Variants in PRR16 observed in about 807,000 individuals in gnomAD.
PRR16 encodes protein Largen.
Under a neutral mutation model 18.2 loss-of-function variants are expected in PRR16, and 6 were observed. The ratio of observed to expected loss-of-function variants is 0.33; its 90% CI spans 0.18 to 0.65. The LOEUF is 0.65. Among genes scored for constraint, PRR16 ranks in the 30% least tolerant of loss-of-function variants. PRR16 has a pLI of 0.74. For synonymous variants in PRR16, 151 were observed against 147.8 expected, an observed-to-expected ratio of 1.02 and a Z score of -0.16; for missense variants, 412 against 376.6, an observed-to-expected ratio of 1.09 and a Z score of -0.78.
chr5:120,526,929 C>T (rs181853224), intron 1 of PRR16, among the ~76,000 whole-genome samples: 1 of 152,084 alleles, frequency 6.6e-6, no homozygotes, highest in South Asian at 2.1e-4. Context: ...TTGTTGTTGA[C>T]TATAGTGGCA....
At chr5:120,636,786 C>T (rs955588730) in intron 1 of PRR16, among the ~76,000 whole-genome samples, 1 of 152,000 alleles carries the variant, frequency 6.6e-6, no homozygotes, top group African/African-American at 2.4e-5. Flanking sequence ...ATAGATGGGA[C>T]TTAATTAAAC....
chr5:120,670,024 T>G (rs1242851975), intron 1 of PRR16, among the ~76,000 whole-genome samples: 1 of 152,070 alleles, frequency 6.6e-6, no homozygotes, highest in African/African-American at 2.4e-5. Flanking sequence ...ATTCTGACCA[T>G]AAGCAAAATA....
intron 1 of PRR16, among the ~76,000 whole-genome samples, chr5:120,491,891 C>A (rs542238883): frequency 2.0e-5 from 3 of 152,032 alleles, no homozygotes; most frequent in African/African-American, 7.2e-5. Flanking sequence ...TTAAAACTAT[C>A]TCCTATTTTA....
At chr5:120,491,226 G>A (rs1750026940) in intron 1 of PRR16, among the ~76,000 whole-genome samples, 1 of 152,058 alleles carries the variant, frequency 6.6e-6, no homozygotes, top group Non-Finnish European at 1.5e-5. Context: ...TTTCCCTGGT[G>A]TTACACTGAA....
chr5:120,781,012 T>G, the PRR16 span, among the ~76,000 whole-genome samples: 1 of 152,180 alleles, frequency 6.6e-6, no homozygotes, highest in African/African-American at 2.4e-5. Context: ...ATCGCGCCAC[T>G]GCCCTTCAGC....
the PRR16 span, among the ~76,000 whole-genome samples, chr5:120,768,616 A>C: frequency 1.9e-4 from 29 of 151,914 alleles, 2 homozygotes; most frequent in South Asian, 4.8e-3. Context: ...GAGGTTTTAT[A>C]AGAAGGAAAT....
the PRR16 span, among the ~76,000 whole-genome samples, chr5:120,702,339 C>T: frequency 4.0e-5 from 6 of 150,940 alleles, no homozygotes; most frequent in Admixed American, 6.6e-5. Context: ...GGGATTGGGG[C>T]GCAGAGATAC....
intron 1 of PRR16, among the ~76,000 whole-genome samples, chr5:120,504,564 G>T (rs1750577795): frequency 6.6e-6 from 1 of 152,190 alleles, no homozygotes; most frequent in Admixed American, 6.5e-5. Context: ...AAAAAGAGCA[G>T]TGAGTCGCCC....
chr5:120,599,944 T>C (rs1270816760), intron 1 of PRR16, among the ~76,000 whole-genome samples: 1 of 151,930 alleles, frequency 6.6e-6, no homozygotes, highest in Non-Finnish European at 1.5e-5. Flanking sequence ...TTGCAACAGA[T>C]TTTCTTCAGC....
the PRR16 span, among the ~76,000 whole-genome samples, chr5:120,784,096 T>C: frequency 6.6e-6 from 1 of 152,210 alleles, no homozygotes; most frequent in African/African-American, 2.4e-5. Context: ...CTTTTTCTTA[T>C]CCATTCATTG....
the PRR16 span, among the ~76,000 whole-genome samples, chr5:120,705,087 AAGG>A: frequency 3.3e-5 from 5 of 151,984 alleles, no homozygotes; most frequent in Non-Finnish European, 5.9e-5. Context: ...GTAAAAAAAA[AAGG>A]AGAGTACATT....
chr5:120,531,681 C>G (rs369965562), intron 1 of PRR16: 54 of 152,086 alleles, frequency 3.6e-4, no homozygotes, highest in African/African-American at 1.3e-3. Flanking sequence ...GCCATTGTCA[C>G]TATCTAAATG....
At chr5:120,679,856 A>G (rs898945985) in intron 1 of PRR16, among the ~76,000 whole-genome samples, 4 of 152,168 alleles carry the variant, frequency 2.6e-5, no homozygotes, top group African/African-American at 9.6e-5. Flanking sequence ...GGGACAGAGA[A>G]TGGGGAAATG....
chr5:120,523,411 A>C (rs1054379147), intron 1 of PRR16, among the ~76,000 whole-genome samples: 18 of 152,308 alleles, frequency 1.2e-4, no homozygotes, highest in African/African-American at 4.3e-4. Flanking sequence ...TGAGGCAAGT[A>C]CTGTCTTGAG....
chr5:120,637,709 G>C (rs1755285421), intron 1 of PRR16, among the ~76,000 whole-genome samples: 1 of 152,102 alleles, frequency 6.6e-6, no homozygotes, highest in African/African-American at 2.4e-5. Context: ...CACTGCTCGG[G>C]TGATGGGTAT....
At chr5:120,594,552 A>G (rs898782923) in intron 1 of PRR16, among the ~76,000 whole-genome samples, 5 of 152,144 alleles carry the variant, frequency 3.3e-5, no homozygotes, top group East Asian at 1.9e-4. Flanking sequence ...TACAGATTCA[A>G]TGCTATTCCT....
intron 1 of PRR16, among the ~76,000 whole-genome samples, chr5:120,472,347 G>C (rs139746710): frequency 0.013 from 1,995 of 152,188 alleles, 21 homozygotes; most frequent in Middle Eastern, 0.024. Context: ...ATTTCAAACT[G>C]TGTGTTTATA....
intron 1 of PRR16, among the ~76,000 whole-genome samples, chr5:120,540,576 G>T (rs1038458529): frequency 6.6e-6 from 1 of 152,086 alleles, no homozygotes; most frequent in African/African-American, 2.4e-5. Context: ...CTTTAGATAT[G>T]TGGTATTGCC....
chr5:120,533,597 A>C (rs977937432), intron 1 of PRR16, among the ~76,000 whole-genome samples: 1 of 152,120 alleles, frequency 6.6e-6, no homozygotes, highest in Non-Finnish European at 1.5e-5. Context: ...TTTGGGAAAA[A>C]CATTCTATCC....
Sources: gnomAD v4.1 joint callset for allele counts (sites outside exome capture counted in the v4.1 genomes callset) on GRCh38, gnomAD v4.1.1 for gene constraint, MANE v1.5 for transcripts, NCBI Gene and HGNC (gene_info 2026-07-23, HGNC 2026-07-21) for gene names.